SAMMSON: variants seen among roughly 807,000 people sequenced by gnomAD.
SAMMSON encodes the protein survival associated mitochondrial melanoma specific oncogenic non-coding RNA.
intron 9 of SAMMSON, among the ~76,000 whole-genome samples, chr3:70,377,510 T>C (rs1703027838): frequency 6.6e-6 from 1 of 152,068 alleles, no homozygotes; most frequent in Admixed American, 6.6e-5. Context: ...GGGTAAAAGA[T>C]TAAATTTTTT....
At chr3:70,185,603 A>G (rs1388210163) in intron 4 of SAMMSON, among the ~76,000 whole-genome samples, 1 of 152,080 alleles carries the variant, frequency 6.6e-6, no homozygotes, top group Non-Finnish European at 1.5e-5. Flanking sequence ...CCTTTTCACA[A>G]TAAGTAAAAG....
rs71298327 is a variant in SAMMSON at position 70,153,883 on chromosome 3, G to A, written n.507+82318G>A. ...ACTCCCCTTTCCCCCAAAACTCCCC[G>A]TTCCAGAATACTTATTCTACTTTTT... On this transcript the variant is annotated intron_variant and non_coding_transcript_variant, in intron 4 of 9. Coordinates refer to ENST00000642114, the Ensembl canonical transcript of SAMMSON. 2.3e-3 allele frequency among the ~76,000 whole-genome samples: 351 copies of A among 151,852 alleles called. 2 individuals carry two copies. The highest frequency in any genetic ancestry group is 0.011 in the South Asian group (53 of 4,820).
At chr3:70,154,713 T>G (rs2067585225) in intron 4 of SAMMSON, among the ~76,000 whole-genome samples, 1 of 152,004 alleles carries the variant, frequency 6.6e-6, no homozygotes, top group South Asian at 2.1e-4. Context: ...ACCATGAAAG[T>G]TTAGGGTAGT....
intron 3 of SAMMSON, among the ~76,000 whole-genome samples, chr3:70,047,993 C>A (rs1171551654): frequency 2.6e-5 from 4 of 151,962 alleles, no homozygotes; most frequent in African/African-American, 9.7e-5. Context: ...AAGTTTTCAA[C>A]ACATGGATTT....
At chr3:70,203,121 C>A (rs1276125682) in intron 4 of SAMMSON, among the ~76,000 whole-genome samples, 1 of 152,124 alleles carries the variant, frequency 6.6e-6, no homozygotes. Context: ...AAGAATCATT[C>A]TCCCAGAAGT....
At chr3:70,009,559 T>C (rs538775103) in intron 1 of SAMMSON, among the ~76,000 whole-genome samples, 11 of 152,322 alleles carry the variant, frequency 7.2e-5, no homozygotes, top group Admixed American at 2.0e-4. Flanking sequence ...TAGCAGTCTA[T>C]CAATTTTGTT....
chr3:70,395,073 A>G (rs1701080518), intron 2 of SAMMSON, among the ~76,000 whole-genome samples: 1 of 152,150 alleles, frequency 6.6e-6, no homozygotes, highest in Non-Finnish European at 1.5e-5. Context: ...TTCTGGTTTG[A>G]GAACCATCCC....
chr3:70,284,187 T>C (rs957191438), intron 6 of SAMMSON, among the ~76,000 whole-genome samples: 2 of 152,136 alleles, frequency 1.3e-5, no homozygotes, highest in Admixed American at 6.6e-5. Flanking sequence ...TTTTATCTAA[T>C]TAGAGAGACT....
chr3:70,300,375 T>TAA (rs1702335989), intron 7 of SAMMSON, among the ~76,000 whole-genome samples: 1 of 152,134 alleles, frequency 6.6e-6, no homozygotes, highest in African/African-American at 2.4e-5. Flanking sequence ...CATCGAGTAT[T>TAA]ATTTGTGTTT....
intron 4 of SAMMSON, among the ~76,000 whole-genome samples, chr3:70,143,728 T>C (rs1559522469): frequency 2.0e-5 from 3 of 152,054 alleles, no homozygotes; most frequent in Admixed American, 6.5e-5. Context: ...AGTCAAAGAG[T>C]GAGCTCCCTG....
At chr3:70,045,031 ATAT>A (rs1559779666) in intron 3 of SAMMSON, among the ~76,000 whole-genome samples, 1,543 of 127,400 alleles carry the variant, frequency 0.012, 63 homozygotes, top group African/African-American at 0.044. Context: ...ATTATAATAT[ATAT>A]TATAATTAAT....
At chr3:70,154,801 G>A (rs143364981) in intron 4 of SAMMSON, among the ~76,000 whole-genome samples, 4 of 152,014 alleles carry the variant, frequency 2.6e-5, no homozygotes, top group Non-Finnish European at 4.4e-5. Flanking sequence ...TCTTATGGTA[G>A]GCCATGCTAC....
At chr3:70,314,592 A>G (rs1483522355) in intron 7 of SAMMSON, among the ~76,000 whole-genome samples, 3 of 152,172 alleles carry the variant, frequency 2.0e-5, no homozygotes, top group African/African-American at 7.2e-5. Flanking sequence ...AAAAATATCT[A>G]GATGAGAAAA....
At chr3:70,017,421 GC>G (rs1410303321) in intron 3 of SAMMSON, among the ~76,000 whole-genome samples, 1 of 152,002 alleles carries the variant, frequency 6.6e-6, no homozygotes, top group African/African-American at 2.4e-5. Context: ...TGTGATTTTT[GC>G]ACATTGAATT....
chr3:70,398,769 T>G (rs1701113528), intron 2 of SAMMSON, among the ~76,000 whole-genome samples: 1 of 152,234 alleles, frequency 6.6e-6, no homozygotes, highest in South Asian at 2.1e-4. Flanking sequence ...CTCGATGTTC[T>G]TCTGAGAAAC....
chr3:70,381,202 G>A (rs1192712611), intron 9 of SAMMSON, among the ~76,000 whole-genome samples: 1 of 152,178 alleles, frequency 6.6e-6, no homozygotes. Context: ...CACTCTGAAT[G>A]TTGGGAAGTA....
chr3:70,164,313 A>T (rs2067628037), intron 4 of SAMMSON, among the ~76,000 whole-genome samples: 1 of 152,002 alleles, frequency 6.6e-6, no homozygotes, highest in Admixed American at 6.6e-5. Context: ...TCTCTCTATG[A>T]CAAAATATGT....
At chr3:70,315,846 A>G (rs969143738) in intron 7 of SAMMSON, among the ~76,000 whole-genome samples, 1 of 152,168 alleles carries the variant, frequency 6.6e-6, no homozygotes, top group African/African-American at 2.4e-5. Context: ...CTAGGACATC[A>G]GGCAAATCTG....
chr3:70,000,050 G>T (rs1329144815), intron 1 of SAMMSON, among the ~76,000 whole-genome samples: 1 of 152,192 alleles, frequency 6.6e-6, no homozygotes, highest in East Asian at 1.9e-4. Flanking sequence ...CGAGAAATCC[G>T]GGGATACAGA....
Sources: allele counts gnomAD v4.1 joint callset (sites outside exome capture counted in the v4.1 genomes callset), GRCh38; gene constraint gnomAD v4.1.1; transcripts MANE v1.5; gene names NCBI Gene and HGNC (gene_info 2026-07-23, HGNC 2026-07-21).